The following HS1BP3 variants were observed in gnomAD, a reference collection of about 807,000 sequenced individuals.
HS1BP3 encodes HCLS1 binding protein 3.
HS1BP3 carries 32 observed loss-of-function variants against 33.5 expected under a neutral mutation model. The observed-to-expected ratio is 0.95, with a 90% CI of 0.72 to 1.28. HS1BP3 has a LOEUF of 1.28. HS1BP3 is among the 50% of genes most tolerant of loss of function. HS1BP3 has a pLI of 0.00. For synonymous variants in HS1BP3, 187 were observed against 209.2 expected (o/e 0.89, Z 0.92); for missense variants, 486 against 502.3 (o/e 0.97, Z 0.31).
In HS1BP3 at chr2:20,618,633, C is replaced by T. The variant is rs1694492559; in HGVS notation, c.*354G>A. ...GCAGAACCCGTGGGCATGAAGCTTC[C>T]CTGCCCCATGTGACACCTCGCTACG... On this transcript the variant is annotated 3_prime_UTR_variant, in exon 7 of 7. Coordinates refer to ENST00000304031, the MANE Select transcript of HS1BP3 (RefSeq NM_022460.4). 1.9e-6 allele frequency: 2 copies of T among 1,031,136 alleles called. No homozygotes were observed. The highest frequency in any genetic ancestry group is 6.2e-5 in the East Asian group (1 of 16,146). 63.9% of individuals were successfully genotyped at this position (1,031,136 alleles called of 1,614,324 possible). A position where few individuals can be genotyped will look rare whatever the true frequency, so the allele number is the denominator to read the frequency against.
At chr2:20,571,576 G>A (rs1338360043) in intron 5 of HS1BP3, among the ~76,000 whole-genome samples, 4 of 152,196 alleles carry the variant, frequency 2.6e-5, no homozygotes, top group African/African-American at 4.8e-5. Flanking sequence ...AGCGTGCCTC[G>A]GATGCCTGGT....
At chr2:20,635,278 CA>C (rs942145283) in intron 4 of HS1BP3, 11 of 152,182 alleles carry the variant, frequency 7.2e-5, no homozygotes, top group African/African-American at 2.7e-4. Context: ...GCCACGCCCA[CA>C]AGCAAGGGCC....
chr2:20,610,787 G>A (rs1694302623), intron 2 of HS1BP3, among the ~76,000 whole-genome samples: 1 of 152,224 alleles, frequency 6.6e-6, no homozygotes, highest in African/African-American at 2.4e-5. Flanking sequence ...GTTCAGTTTT[G>A]TACTGTGGTT....
intron 2 of HS1BP3, among the ~76,000 whole-genome samples, chr2:20,598,780 G>C (rs1451432779): frequency 6.6e-6 from 1 of 151,790 alleles, no homozygotes; most frequent in East Asian, 1.9e-4. Context: ...GGATGGTCTC[G>C]ATCTCCTGAC....
Position 20,641,041 on chromosome 2 carries a change from T to A in HS1BP3, c.338A>T (p.Asn113Ile), listed in dbSNP as rs376248399. The stretch of plus-strand genomic sequence containing the variant: ...CTTGGAGACACAGCGCAGGATCTCA[T>A]TGAACACGGCTCTCCTCTCCCGGAT... ...SDIRERRAVFNEILRCVSKDA... is the reference protein window; with the variant it reads ...SDIRERRAVFIEILRCVSKDA... The change falls in exon 3 of 7, where the codon AAT becomes ATT. Residue 113 changes from asparagine to isoleucine, a missense_variant. Asn to Ile is a moderately radical substitution (Grantham distance 149, BLOSUM62 -3). Transcript: ENST00000304031. 6.2e-7 allele frequency: 1 copy of A among 1,614,158 alleles called. No individual in the cohort carries two copies. The highest frequency in any genetic ancestry group is 1.1e-5 in the South Asian group (1 of 91,088).
intron 3 of HS1BP3, among the ~76,000 whole-genome samples, chr2:20,638,869 G>GC (rs937795208): frequency 1.3e-5 from 2 of 152,242 alleles, no homozygotes; most frequent in Admixed American, 6.5e-5. Context: ...GCCTGCTGCA[G>GC]CCCCCCAAGG....
chr2:20,576,407 C>T (rs1183660407), intron 5 of HS1BP3, among the ~76,000 whole-genome samples: 7 of 152,214 alleles, frequency 4.6e-5, no homozygotes, highest in African/African-American at 1.7e-4. Context: ...GAAGCCTGCC[C>T]AGTACAGCTC....
Position 20,645,281 on chromosome 2 carries a change from G to C in HS1BP3, c.198+59C>G, listed in dbSNP as rs138301449. 14 of 1,542,040 alleles carry C rather than the reference G, an allele frequency of 9.1e-6. No individual in the cohort carries two copies. In the Middle Eastern group the frequency reaches 5.6e-4, roughly 62 times the overall value. On this transcript the variant is annotated intron_variant, in intron 2 of 6. Transcript: ENST00000304031. ...TACTTGAACCCTGGTGGGCAGATGT[G>C]TCTGCCCGCCCGGACCCCGGGCACC...
Position 20,582,821 on chromosome 2 carries a change from G to A in HS1BP3, c.303-22306C>T, listed in dbSNP as rs557369729. Among the ~76,000 whole-genome samples, 4 of 152,232 alleles carry A rather than the reference G, an allele frequency of 2.6e-5. No homozygotes were observed. In the South Asian group the frequency reaches 6.2e-4, roughly 24 times the overall value. ...AGGGCAGTGTCACACAGGAACAAAC[G>A]CCCACTGTGCTGGGTCTCCTCTTCC... On this transcript the variant is annotated intron_variant, in intron 5 of 5. Coordinates refer to the HS1BP3 transcript ENST00000446825.
intron 5 of HS1BP3, among the ~76,000 whole-genome samples, chr2:20,585,402 C>A (rs1156593710): frequency 6.6e-6 from 1 of 152,198 alleles, no homozygotes; most frequent in Non-Finnish European, 1.5e-5. Flanking sequence ...TGGAAGATAA[C>A]TATATATTTG....
chr2:20,612,189 G>GC (rs1039771209), intron 2 of HS1BP3, among the ~76,000 whole-genome samples: 2 of 152,170 alleles, frequency 1.3e-5, no homozygotes, highest in African/African-American at 4.8e-5. Context: ...TAAGTAACTG[G>GC]CCCAGGGTCA....
chr2:20,555,117 A>G, the HS1BP3 span, among the ~76,000 whole-genome samples: 2 of 152,114 alleles, frequency 1.3e-5, no homozygotes, highest in Non-Finnish European at 2.9e-5. Flanking sequence ...TGTTTACACC[A>G]TTGTCTCACT....
At chr2:20,636,868 CAG>C (rs988618032) in intron 4 of HS1BP3, 3 of 152,212 alleles carry the variant, frequency 2.0e-5, no homozygotes, top group African/African-American at 7.2e-5. Context: ...TTATTCCTGA[CAG>C]AGGTGATAAC....
intron 5 of HS1BP3, among the ~76,000 whole-genome samples, chr2:20,572,593 C>G (rs973459609): frequency 1.6e-4 from 25 of 152,160 alleles, no homozygotes; most frequent in African/African-American, 5.3e-4. Context: ...GCCTCAGTAT[C>G]CTTATCTGTA....
chr2:20,627,013 C>T (rs1694806822), intron 4 of HS1BP3, among the ~76,000 whole-genome samples: 1 of 152,216 alleles, frequency 6.6e-6, no homozygotes, highest in Admixed American at 6.5e-5. Context: ...AGTCGGAAAC[C>T]CCAAGCAGGC....
downstream of HS1BP3, among the ~76,000 whole-genome samples, chr2:20,559,714 G>C (rs1692941731): frequency 7.5e-6 from 1 of 133,766 alleles, no homozygotes; most frequent in Non-Finnish European, 1.7e-5. Flanking sequence ...GTGGGTGGAT[G>C]GATGGATGGA....
At chr2:20,593,398 G>A (rs1693865254) in intron 3 of HS1BP3, among the ~76,000 whole-genome samples, 1 of 152,122 alleles carries the variant, frequency 6.6e-6, no homozygotes, top group African/African-American at 2.4e-5. Context: ...TCACTGCTGT[G>A]TCCCAGCGGC....
chr2:20,623,816 G>T, intron 6 of HS1BP3, 80 bp downstream of exon 6: 1 of 1,465,066 alleles, frequency 6.8e-7, no homozygotes. Context: ...CTGGGGCTGA[G>T]ACTGGGCAAT....
chr2:20,587,391 G>A (rs1263071017), intron 5 of HS1BP3, among the ~76,000 whole-genome samples: 1 of 152,328 alleles, frequency 6.6e-6, no homozygotes, highest in Admixed American at 6.5e-5. Flanking sequence ...CTGTGGCAGG[G>A]AGAGCAAGAC....
Sources: gnomAD v4.1 joint callset for allele counts (sites outside exome capture counted in the v4.1 genomes callset) on GRCh38, gnomAD v4.1.1 for gene constraint, MANE v1.5 for transcripts, NCBI Gene and HGNC (gene_info 2026-07-23, HGNC 2026-07-21) for gene names.